Variants in DOCK1 observed in about 807,000 individuals in gnomAD.
DOCK1 encodes the protein dedicator of cytokinesis 1, also known as dedicator of cytokinesis protein 1.
A neutral mutation model predicts 262.7 loss-of-function variants in DOCK1; 138 were observed. That is an observed-to-expected ratio of 0.53 (90% CI 0.46 to 0.61). The LOEUF is 0.61. Among genes scored for constraint, DOCK1 ranks in the 20% least tolerant of loss-of-function variants. The pLI is 0.00. For missense variants in DOCK1, 1,908 were observed against 2,370.7 expected (o/e 0.80, Z 4.05); for synonymous variants, 866 against 867.4 (o/e 1.00, Z 0.03).
chr10:127,045,004 C>G (rs1212308839), intron 21 of DOCK1, among the ~76,000 whole-genome samples: 1 of 152,020 alleles, frequency 6.6e-6, no homozygotes, highest in Non-Finnish European at 1.5e-5. Context: ...GGAGACCAGT[C>G]TGGCCAACAT....
At chr10:127,163,811 T>TC (rs1348941070) in intron 27 of DOCK1, among the ~76,000 whole-genome samples, 2 of 151,442 alleles carry the variant, frequency 1.3e-5, no homozygotes, top group African/African-American at 4.9e-5. Flanking sequence ...TTTTTTTTTT[T>TC]TTTTTTTGCC....
intron 29 of DOCK1, chr10:127,257,782 C>T (rs1418438166): frequency 5.7e-6 from 1 of 175,628 alleles, no homozygotes; most frequent in African/African-American, 2.4e-5. Flanking sequence ...CTGTCAGCTC[C>T]ATGCAAGAGG....
At chr10:127,357,496 C>T (rs936168212) in intron 32 of DOCK1, among the ~76,000 whole-genome samples, 3 of 152,314 alleles carry the variant, frequency 2.0e-5, no homozygotes, top group African/African-American at 7.2e-5. Flanking sequence ...ATCTGTCATG[C>T]TCCAGATAGG....
Position 127,410,869 on chromosome 10 carries a change from T to A in DOCK1, c.4373T>A (p.Phe1458Tyr), listed in dbSNP as rs1199952429. The A allele has an allele frequency of 6.2e-7, 1 of 1,613,770 alleles. No homozygotes were observed. Among genetic ancestry groups the A allele is most frequent in the African/African-American group, 1.3e-5 (1 of 74,898 alleles). The change falls in exon 43 of 52, where the codon TTT becomes TAT. Residue 1458 changes from phenylalanine (F) to tyrosine (Y), a missense_variant. Phe to Tyr is a conservative substitution (Grantham distance 22). Coordinates refer to ENST00000623213, the MANE Select transcript of DOCK1 (RefSeq NM_001290223.2). ...SFYRVNEVQR[F>Y]EYSRPIRKGE... is the part of the protein sequence containing the mutation. Reference sequence around the variant, plus strand: ...TACAGGGTGAACGAGGTCCAGCGATTTGAATATTCTCGGCCAATCCGGAAG... The same window carrying A: ...TACAGGGTGAACGAGGTCCAGCGATATGAATATTCTCGGCCAATCCGGAAG...
At chr10:126,944,690 C>T (rs917610454) in intron 1 of DOCK1, among the ~76,000 whole-genome samples, 7 of 152,088 alleles carry the variant, frequency 4.6e-5, no homozygotes, top group East Asian at 1.9e-4. Context: ...CTGCAGGGCA[C>T]GTATCAGTGG....
chr10:127,366,035 C>A (rs571764437), intron 33 of DOCK1, among the ~76,000 whole-genome samples: 1 of 152,080 alleles, frequency 6.6e-6, no homozygotes, highest in Non-Finnish European at 1.5e-5. Flanking sequence ...ATGAAACATG[C>A]CGTGCTTGGA....
At chr10:127,022,323 T>C (rs1036340463) in intron 13 of DOCK1, among the ~76,000 whole-genome samples, 1 of 152,150 alleles carries the variant, frequency 6.6e-6, no homozygotes, top group Admixed American at 6.5e-5. Flanking sequence ...CATTCTTTTT[T>C]TCTTTATTTT....
intron 10 of DOCK1, among the ~76,000 whole-genome samples, chr10:127,006,175 C>T (rs567342564): frequency 2.0e-5 from 3 of 152,296 alleles, no homozygotes; most frequent in Admixed American, 2.0e-4. Context: ...GGGGGTCCAT[C>T]TGCCGTGAGC....
At chr10:127,019,197 G>A (rs558742313) in intron 13 of DOCK1, among the ~76,000 whole-genome samples, 4 of 152,292 alleles carry the variant, frequency 2.6e-5, no homozygotes, top group African/African-American at 9.6e-5. Flanking sequence ...TTGGATGGTC[G>A]CTGAATGGAA....
At chr10:127,154,036 GA>G in intron 27 of DOCK1, 1 of 740,522 alleles carries the variant, frequency 1.4e-6, no homozygotes, top group South Asian at 1.6e-5. Flanking sequence ...CATGGTCATG[GA>G]AATTGATTAA....
intron 29 of DOCK1, among the ~76,000 whole-genome samples, chr10:127,303,432 C>T (rs761804310): frequency 3.3e-5 from 5 of 152,202 alleles, no homozygotes; most frequent in Middle Eastern, 3.4e-3. Flanking sequence ...GCCTGGCTAA[C>T]ATTTAGTCAA....
Position 127,000,263 on chromosome 10 carries a change from C to T in DOCK1, c.941C>T (p.Thr314Ile), listed in dbSNP as rs2040492472. Residue 314 changes from threonine to isoleucine, a missense_variant, in exon 10 of 52, where the codon ACC becomes ATC. Physicochemically the swap from Thr to Ile is moderately conservative, Grantham distance 89 (BLOSUM62 -1). Transcript: ENST00000623213. ...VGRMELRDNN[T>I]RKLTSGLRRP... ...CGCATGGAGCTGAGGGACAACAACA[C>T]CAGGAAACTGACCTCGGGGTTGCGG... The T allele has an allele frequency of 1.9e-6, 3 of 1,613,912 alleles. No individual in the cohort carries two copies. The East Asian group carries it at 6.7e-5, about 36-fold the overall frequency.
intron 33 of DOCK1, among the ~76,000 whole-genome samples, 170 bp downstream of exon 33, chr10:127,362,382 TATC>T (rs1164472171): frequency 1.3e-5 from 2 of 152,228 alleles, no homozygotes; most frequent in Non-Finnish European, 2.9e-5. Flanking sequence ...TGAAGAAGCT[TATC>T]ATCCCTTGCA....
At chr10:127,203,719 A>G (rs2057580227) in intron 27 of DOCK1, among the ~76,000 whole-genome samples, 1 of 150,706 alleles carries the variant, frequency 6.6e-6, no homozygotes, top group Admixed American at 6.6e-5. Context: ...ACTGCACGGT[A>G]GGGCTGCGGA....
chr10:127,340,444 A>G (rs2063380467), intron 30 of DOCK1, among the ~76,000 whole-genome samples: 1 of 151,916 alleles, frequency 6.6e-6, no homozygotes, highest in Non-Finnish European at 1.5e-5. Context: ...TGTGTTTTTC[A>G]GCTCTGTCAT....
intron 27 of DOCK1, among the ~76,000 whole-genome samples, chr10:127,133,171 AT>A (rs1433561042): frequency 1.3e-5 from 2 of 152,200 alleles, no homozygotes; most frequent in Non-Finnish European, 2.9e-5. Context: ...AGCATGGGTG[AT>A]TGATAAGGGC....
chr10:127,292,317 T>C lies in DOCK1; in HGVS notation c.3044+34888T>C, dbSNP rs549652448. Among the ~76,000 whole-genome samples the C allele has an allele frequency of 1.5e-3, 229 of 152,294 alleles. 4 individuals are homozygous for C. In the South Asian group the frequency reaches 0.019, roughly 13 times the overall value. On this transcript the variant is annotated intron_variant, in intron 29 of 51. Coordinates refer to ENST00000623213, the MANE Select transcript of DOCK1 (RefSeq NM_001290223.2). Reference sequence around the variant, plus strand: ...GGGAAGGAAGCTCAGGGTTCTGCCCTGGGCCCTAAGACCTTAGTGACTCAG... The same window carrying C: ...GGGAAGGAAGCTCAGGGTTCTGCCCCGGGCCCTAAGACCTTAGTGACTCAG...
At chr10:127,352,500 A>G (rs769685715) in intron 31 of DOCK1, among the ~76,000 whole-genome samples, 8 of 152,074 alleles carry the variant, frequency 5.3e-5, no homozygotes, top group Non-Finnish European at 1.2e-4. Flanking sequence ...TTTCCCTGGG[A>G]TCATTATCAT....
intron 51 of DOCK1, among the ~76,000 whole-genome samples, chr10:127,450,832 C>T (rs1426749536): frequency 1.3e-5 from 2 of 152,196 alleles, no homozygotes; most frequent in Non-Finnish European, 2.9e-5. Context: ...TCAATGACCG[C>T]TTTTCGGCCA....
Sources: allele counts gnomAD v4.1 joint callset (sites outside exome capture counted in the v4.1 genomes callset), GRCh38; gene constraint gnomAD v4.1.1; transcripts MANE v1.5; gene names NCBI Gene and HGNC (gene_info 2026-07-23, HGNC 2026-07-21).